Variants in ARHGAP26 observed in about 807,000 individuals in gnomAD.
ARHGAP26 encodes the protein rho GTPase-activating protein 26.
In ARHGAP26, 38 loss-of-function variants were observed where a neutral mutation model predicts 104.8. The ratio of observed to expected loss-of-function variants is 0.36; its 90% CI spans 0.28 to 0.48. ARHGAP26 has a LOEUF of 0.48. Ranked by LOEUF, ARHGAP26 falls within the 20% of genes least tolerant of loss-of-function variation. The pLI, the probability that ARHGAP26 is intolerant of heterozygous loss-of-function variation, is 0.99. For missense variants in ARHGAP26, 704 were observed against 947.9 expected, an observed-to-expected ratio of 0.74 and a Z score of 3.38; for synonymous variants, 341 against 340.0, an observed-to-expected ratio of 1.00 and a Z score of -0.03.
chr5:143,063,348 G>A (rs558337773), intron 17 of ARHGAP26, among the ~76,000 whole-genome samples: 1 of 152,298 alleles, frequency 6.6e-6, no homozygotes, highest in Non-Finnish European at 1.5e-5. Context: ...GGCTGGTGGA[G>A]CTCTGGCTCC....
chr5:143,109,866 T>G (rs565751126), intron 17 of ARHGAP26, among the ~76,000 whole-genome samples: 1 of 152,306 alleles, frequency 6.6e-6, no homozygotes, highest in South Asian at 2.1e-4. Context: ...ATTTTCTAAT[T>G]GCTTTTCATC....
rs117858431 is a variant in ARHGAP26, at chr5:143,098,511, G to A, written c.1539-22477G>A. ...CAGATTGATCAATCTACCCTCAAAA[G>A]CTAGTGTAATTTTAATCTACATTAG... On this transcript the variant is annotated intron_variant, in intron 17 of 22. Coordinates refer to ENST00000645722, the MANE Select transcript of ARHGAP26 (RefSeq NM_001135608.3). Among the ~76,000 whole-genome samples, 554 of 152,186 alleles carry A rather than the reference G, an allele frequency of 3.6e-3. 23 individuals are homozygous for A. In the East Asian group the frequency reaches 0.075, roughly 20 times the overall value.
At chr5:142,814,430 A>C (rs1264170717) in intron 1 of ARHGAP26, among the ~76,000 whole-genome samples, 2 of 152,228 alleles carry the variant, frequency 1.3e-5, no homozygotes, top group African/African-American at 4.8e-5. Flanking sequence ...TGAACTGGAA[A>C]ATTTTTCTTT....
intron 17 of ARHGAP26, among the ~76,000 whole-genome samples, chr5:143,115,455 A>C (rs957657411): frequency 6.6e-6 from 1 of 151,976 alleles, no homozygotes; most frequent in African/African-American, 2.4e-5. Flanking sequence ...AAAGAGGAGA[A>C]ATACAAATAG....
rs1423484757 is a variant in ARHGAP26, at chr5:143,006,401, T to C, written c.1108-7679T>C. The stretch of plus-strand genomic sequence containing the variant: ...TCAGTACTTTCTGAGTGGCTGGCTA[T>C]GTGCTAGTTACTGAACCCCCTTTAT... On this transcript the variant is annotated intron_variant, in intron 11 of 22. Coordinates refer to ENST00000645722, the MANE Select transcript of ARHGAP26 (RefSeq NM_001135608.3). Among the ~76,000 whole-genome samples the C allele has an allele frequency of 3.9e-5, 6 of 151,908 alleles. No individual in the cohort carries two copies. In the East Asian group the frequency reaches 1.2e-3, roughly 29 times the overall value.
chr5:143,198,421 T>C (rs183821151), intron 20 of ARHGAP26, among the ~76,000 whole-genome samples: 2 of 152,332 alleles, frequency 1.3e-5, no homozygotes, highest in Admixed American at 1.3e-4. Flanking sequence ...AAATGCGGTA[T>C]TGGAAAAGAT....
chr5:143,180,717 G>A (rs258767), intron 20 of ARHGAP26, among the ~76,000 whole-genome samples: 26,423 of 151,946 alleles, frequency 0.17, 2,479 homozygotes, highest in East Asian at 0.39. Flanking sequence ...TCACTATCAC[G>A]GAGCATTCAC....
At chr5:142,867,057 A>C (rs1754414214) in intron 1 of ARHGAP26, among the ~76,000 whole-genome samples, 1 of 152,070 alleles carries the variant, frequency 6.6e-6, no homozygotes, top group Admixed American at 6.5e-5. Context: ...TCCACTGGAC[A>C]TTTCTAGGTG....
intron 17 of ARHGAP26, among the ~76,000 whole-genome samples, chr5:143,082,065 T>C (rs143191009): frequency 2.5e-3 from 387 of 152,032 alleles, no homozygotes; most frequent in Non-Finnish European, 4.2e-3. Flanking sequence ...ACTCTTTCTC[T>C]GGATCTGTTG....
At chr5:142,906,519 T>C (rs781214217) in intron 8 of ARHGAP26, among the ~76,000 whole-genome samples, 2 of 152,210 alleles carry the variant, frequency 1.3e-5, no homozygotes, top group Non-Finnish European at 2.9e-5. Context: ...TCCTACTGTC[T>C]ATCCATCCAT....
chr5:142,798,835 T>C (rs1761501159), intron 1 of ARHGAP26, among the ~76,000 whole-genome samples: 1 of 152,184 alleles, frequency 6.6e-6, no homozygotes, highest in South Asian at 2.1e-4. Context: ...AGGGAAGGAA[T>C]TGACTAGTTC....
intron 7 of ARHGAP26, among the ~76,000 whole-genome samples, chr5:142,903,043 C>T (rs1012597294): frequency 6.6e-6 from 1 of 152,180 alleles, no homozygotes; most frequent in Non-Finnish European, 1.5e-5. Flanking sequence ...GGCTTTCAAC[C>T]CCCTTCTGCC....
intron 17 of ARHGAP26, among the ~76,000 whole-genome samples, chr5:143,120,764 A>C (rs1796037906): frequency 6.6e-6 from 1 of 152,222 alleles, no homozygotes; most frequent in Non-Finnish European, 1.5e-5. Context: ...GCAAAATGGA[A>C]ATGATAAAGC....
At chr5:142,863,892 C>T (rs1451218175) in intron 1 of ARHGAP26, among the ~76,000 whole-genome samples, 1 of 152,152 alleles carries the variant, frequency 6.6e-6, no homozygotes, top group East Asian at 1.9e-4. Context: ...CCAGGATCAA[C>T]CCTCCCAGCC....
intron 20 of ARHGAP26, among the ~76,000 whole-genome samples, chr5:143,194,937 C>T (rs565894211): frequency 5.9e-5 from 9 of 152,190 alleles, no homozygotes; most frequent in Admixed American, 2.0e-4. Flanking sequence ...TGAATGGTCA[C>T]GCTGAAGGAG....
At chr5:143,029,012 T>C (rs1781467249) in intron 12 of ARHGAP26, among the ~76,000 whole-genome samples, 1 of 152,154 alleles carries the variant, frequency 6.6e-6, no homozygotes. Context: ...CTGAAGCTTC[T>C]GAGAGCTGCT....
intron 11 of ARHGAP26, among the ~76,000 whole-genome samples, chr5:142,962,029 T>C (rs1290403762): frequency 6.6e-6 from 1 of 152,216 alleles, no homozygotes; most frequent in Non-Finnish European, 1.5e-5. Context: ...CCCTTTGAGA[T>C]ACTGCTGTGT....
At chr5:143,079,584 C>T (rs1789520071) in intron 17 of ARHGAP26, among the ~76,000 whole-genome samples, 1 of 152,220 alleles carries the variant, frequency 6.6e-6, no homozygotes, top group South Asian at 2.1e-4. Context: ...CGGCCCCATA[C>T]AAACCCTTCT....
At chr5:142,777,304 C>T (rs1313966662) in intron 1 of ARHGAP26, among the ~76,000 whole-genome samples, 2 of 152,148 alleles carry the variant, frequency 1.3e-5, no homozygotes, top group Admixed American at 6.5e-5. Context: ...CAGTGGGCAT[C>T]GCTCTGGGCA....
Sources: allele counts gnomAD v4.1 joint callset (sites outside exome capture counted in the v4.1 genomes callset), GRCh38; gene constraint gnomAD v4.1.1; transcripts MANE v1.5; gene names NCBI Gene and HGNC (gene_info 2026-07-23, HGNC 2026-07-21).